Variants in FGF14 observed in about 807,000 individuals in gnomAD.
FGF14 encodes fibroblast growth factor homologous factor 4.
Under a neutral mutation model 25.5 loss-of-function variants are expected in FGF14, and 5 were observed. The observed-to-expected ratio is 0.20, with a 90% CI of 0.10 to 0.41. The LOEUF (loss-of-function observed/expected upper bound fraction) is 0.41, where lower values mean the gene tolerates loss of function less well. FGF14 is among the 10% of genes least tolerant of loss of function. FGF14 has a pLI of 1.00. For missense variants in FGF14, 222 were observed against 320.1 expected (o/e 0.69, Z 2.34); for synonymous variants, 138 against 118.3 (o/e 1.17, Z -1.08).
chr13:102,187,511 C>T (rs1004989161), intron 1 of FGF14, among the ~76,000 whole-genome samples: 4 of 152,258 alleles, frequency 2.6e-5, no homozygotes, highest in Middle Eastern at 3.4e-3. Flanking sequence ...CAACAGCATC[C>T]GCAACAGCCT....
intron 1 of FGF14, among the ~76,000 whole-genome samples, chr13:102,066,328 C>T (rs1315290083): frequency 6.6e-6 from 1 of 152,072 alleles, no homozygotes; most frequent in East Asian, 1.9e-4. Flanking sequence ...GATTAGAGAA[C>T]ACATTAAAAA....
chr13:101,961,730 G>A (rs139993712), intron 1 of FGF14, among the ~76,000 whole-genome samples: 9 of 152,066 alleles, frequency 5.9e-5, no homozygotes, highest in Non-Finnish European at 1.3e-4. Flanking sequence ...TTCCCCTTTT[G>A]CTCAGCACTT....
At chr13:101,813,816 T>A (rs1188302719) in intron 3 of FGF14, among the ~76,000 whole-genome samples, 3 of 152,228 alleles carry the variant, frequency 2.0e-5, no homozygotes, top group Admixed American at 2.0e-4. Context: ...TTCAGAACAC[T>A]CTGTTCGCAG....
chr13:102,193,225 TG>T (rs918431439), intron 1 of FGF14, among the ~76,000 whole-genome samples: 1 of 152,150 alleles, frequency 6.6e-6, no homozygotes, highest in Non-Finnish European at 1.5e-5. Flanking sequence ...CAGGTTCTGG[TG>T]GGAGCTCTCC....
intron 1 of FGF14, among the ~76,000 whole-genome samples, chr13:102,226,886 C>T (rs539294993): frequency 1.6e-3 from 236 of 152,174 alleles, no homozygotes; most frequent in African/African-American, 5.4e-3. Context: ...CCTTTTCAAA[C>T]CTCTCTTCTT....
chr13:102,218,431 T>C (rs997832935), intron 1 of FGF14, among the ~76,000 whole-genome samples: 30 of 152,058 alleles, frequency 2.0e-4, no homozygotes, highest in Admixed American at 7.9e-4. Context: ...AGCAGTTTTT[T>C]GTTTGGAAAC....
chr13:101,745,312 G>C (rs928291588), intron 3 of FGF14, among the ~76,000 whole-genome samples: 1 of 151,980 alleles, frequency 6.6e-6, no homozygotes, highest in African/African-American at 2.4e-5. Context: ...TCCTGCACTA[G>C]AGTGGTATAC....
chr13:101,952,159 C>T (rs190270964), intron 1 of FGF14, among the ~76,000 whole-genome samples: 158 of 152,080 alleles, frequency 1.0e-3, no homozygotes, highest in African/African-American at 3.7e-3. Flanking sequence ...ATTATTATCC[C>T]ACTTCATAGA....
At chr13:101,836,676 G>A (rs550250567) in intron 3 of FGF14, among the ~76,000 whole-genome samples, 2 of 152,028 alleles carry the variant, frequency 1.3e-5, no homozygotes, top group East Asian at 3.9e-4. Context: ...TATTGTTAAG[G>A]ATTTGATCTT....
At chr13:101,966,410 G>C (rs137960058) in intron 1 of FGF14, among the ~76,000 whole-genome samples, 7 of 152,320 alleles carry the variant, frequency 4.6e-5, no homozygotes, top group African/African-American at 1.2e-4. Flanking sequence ...GAGGGAGCAT[G>C]GTTCTGCAGA....
intron 1 of FGF14, among the ~76,000 whole-genome samples, chr13:102,012,936 G>A (rs576395203): frequency 1.6e-4 from 24 of 152,160 alleles, no homozygotes; most frequent in African/African-American, 4.8e-4. Context: ...GATACAAGCC[G>A]GGGTATTCAT....
chr13:102,049,609 G>A (rs2042132955), intron 1 of FGF14, among the ~76,000 whole-genome samples: 1 of 152,106 alleles, frequency 6.6e-6, no homozygotes, highest in Non-Finnish European at 1.5e-5. Flanking sequence ...CAGTACCTTA[G>A]AATGTGACTT....
chr13:102,307,738 A>G (rs1453566083), intron 1 of FGF14, among the ~76,000 whole-genome samples: 1 of 152,148 alleles, frequency 6.6e-6, no homozygotes, highest in Admixed American at 6.6e-5. Flanking sequence ...CTTATAAAGC[A>G]ACTTCTATTA....
At chr13:102,013,508 C>T (rs554509796) in intron 1 of FGF14, among the ~76,000 whole-genome samples, 10 of 152,250 alleles carry the variant, frequency 6.6e-5, no homozygotes, top group South Asian at 2.1e-4. Context: ...ACTGCTGTCT[C>T]GCTATGGAGC....
At chr13:101,906,956 A>T (rs1176344005) in intron 1 of FGF14, among the ~76,000 whole-genome samples, 4 of 152,170 alleles carry the variant, frequency 2.6e-5, no homozygotes, top group Non-Finnish European at 1.5e-5. Context: ...CGGCCCTTCC[A>T]AAGTTTATGA....
chr13:102,083,886 T>C (rs546065609), intron 1 of FGF14, among the ~76,000 whole-genome samples: 1 of 152,364 alleles, frequency 6.6e-6, no homozygotes, highest in South Asian at 2.1e-4. Flanking sequence ...CATTTATTTC[T>C]TCAAAATTAT....
chr13:102,195,908 T>C (rs185183064), intron 1 of FGF14, among the ~76,000 whole-genome samples: 6 of 152,054 alleles, frequency 3.9e-5, no homozygotes, highest in African/African-American at 1.4e-4. Context: ...ACATTACATT[T>C]GGATAATGAT....
At chr13:102,067,708 CAGAG>C (rs898928424) in intron 1 of FGF14, among the ~76,000 whole-genome samples, 3 of 148,316 alleles carry the variant, frequency 2.0e-5, no homozygotes, top group African/African-American at 2.5e-5. Flanking sequence ...AGAGGAGAGA[CAGAG>C]AGAGAGAGAG....
intron 3 of FGF14, among the ~76,000 whole-genome samples, chr13:101,781,783 TAC>T (rs1465244343): frequency 2.6e-5 from 4 of 152,232 alleles, no homozygotes; most frequent in Admixed American, 2.6e-4. Flanking sequence ...TTAGAGAGTT[TAC>T]AGACTTGTTG....
Sources: allele counts gnomAD v4.1 joint callset (sites outside exome capture counted in the v4.1 genomes callset), GRCh38; gene constraint gnomAD v4.1.1; transcripts MANE v1.5; gene names NCBI Gene and HGNC (gene_info 2026-07-23, HGNC 2026-07-21).